The following SETX variants were observed in gnomAD, a reference collection of about 807,000 sequenced individuals.
SETX encodes helicase senataxin.
In SETX, 90 loss-of-function variants were observed where a neutral mutation model predicts 227.2. That is an observed-to-expected ratio of 0.40 (90% CI 0.33 to 0.47). The LOEUF is 0.47. SETX is among the 20% of genes least tolerant of loss of function. The pLI, the probability that SETX is intolerant of heterozygous loss-of-function variation, is 0.91. For synonymous variants in SETX, 1,210 were observed against 1,113.2 expected (o/e 1.09, Z -1.73); for missense variants, 3,052 against 3,181.5 (o/e 0.96, Z 0.98).
In SETX at chr9:132,261,418, G is replaced by A. The variant is rs1157874778; in HGVS notation, c.*2821C>T. 6.6e-6 allele frequency: 1 copy of A among 152,184 alleles called. No individual in the cohort carries two copies. Among genetic ancestry groups the A allele is most frequent in the Non-Finnish European group, 1.5e-5 (1 of 68,028 alleles). The allele number at this position is 152,184 out of a possible 1,614,324, so 9.4% of individuals were successfully genotyped here. On this transcript the variant is annotated 3_prime_UTR_variant, in exon 26 of 26. Transcript: ENST00000224140. The stretch of plus-strand genomic sequence containing the variant: ...CCCCACCAAGTAATTTCAGCATAAA[G>A]CAAACCAAATGGCAGACGAAATGAT...
At chr9:132,282,972 C>T (rs1209517346) in intron 19 of SETX, 2 of 423,294 alleles carry the variant, frequency 4.7e-6, no homozygotes, top group African/African-American at 4.0e-5. Context: ...AAAACTACTT[C>T]AAAAGGTTAC....
intron 23 of SETX, 81 bp downstream of exon 23, chr9:132,275,175 G>C (rs1843094319): frequency 6.8e-7 from 1 of 1,478,330 alleles, no homozygotes; most frequent in South Asian, 1.1e-5. Flanking sequence ...CTCCTTAAGA[G>C]TTTCCCTTTT....
upstream of SETX, among the ~76,000 whole-genome samples, chr9:132,356,390 T>C (rs1166296): frequency 0.8 from 121,685 of 151,854 alleles, 49,265 homozygotes; most frequent in Non-Finnish European, 0.86. Context: ...TTAGTAGAGA[T>C]GGGGTTTCAC....
At chr9:132,270,212 C>G (rs1287388469) in intron 24 of SETX, among the ~76,000 whole-genome samples, 1 of 150,880 alleles carries the variant, frequency 6.6e-6, no homozygotes, top group East Asian at 2.0e-4. Context: ...ATGTGAGACA[C>G]AGGTGGACTC....
upstream of SETX, among the ~76,000 whole-genome samples, chr9:132,355,172 G>A (rs1273915485): frequency 6.6e-6 from 1 of 152,118 alleles, no homozygotes; most frequent in Non-Finnish European, 1.5e-5. Flanking sequence ...GTCACGTCCG[G>A]GCAGCTGGGG....
intron 7 of SETX, among the ~76,000 whole-genome samples, chr9:132,333,804 T>C (rs1193756218): frequency 6.6e-6 from 1 of 152,200 alleles, no homozygotes; most frequent in African/African-American, 2.4e-5. Flanking sequence ...ATCTTCTGTC[T>C]CTGCATTGTT....
At chr9:132,299,323 G>C (rs1844852616) in intron 12 of SETX, among the ~76,000 whole-genome samples, 1 of 152,180 alleles carries the variant, frequency 6.6e-6, no homozygotes, top group Non-Finnish European at 1.5e-5. Flanking sequence ...TTTCCAAATG[G>C]AGGTATCCAA....
intron 11 of SETX, among the ~76,000 whole-genome samples, chr9:132,310,709 T>G (rs1301226526): frequency 2.0e-5 from 3 of 152,202 alleles, no homozygotes; most frequent in Non-Finnish European, 2.9e-5. Flanking sequence ...CAATTGAACA[T>G]GAGTTTGAAG....
At chr9:132,280,592 C>T (rs994632641) in intron 20 of SETX, among the ~76,000 whole-genome samples, 2 of 152,078 alleles carry the variant, frequency 1.3e-5, no homozygotes, top group African/African-American at 2.4e-5. Flanking sequence ...TGAATAATTC[C>T]GAAATCAAAA....
chr9:132,269,353 C>G (rs757804965), intron 25 of SETX: 10 of 1,352,000 alleles, frequency 7.4e-6, no homozygotes, highest in Non-Finnish European at 9.9e-6. Flanking sequence ...TTTAATATAC[C>G]TTCTTAACAA....
chr9:132,336,593 G>T, intron 5 of SETX, 78 bp from the exon 6 acceptor site: 1 of 1,025,408 alleles, frequency 9.8e-7, no homozygotes, highest in Non-Finnish European at 1.5e-6. Flanking sequence ...AAGAAAACAG[G>T]ATTCTCTGCA....
At chr9:132,314,423 C>T (rs1845849161) in intron 10 of SETX, among the ~76,000 whole-genome samples, 2 of 152,098 alleles carry the variant, frequency 1.3e-5, no homozygotes, top group South Asian at 4.2e-4. Context: ...CAGCGTTTCA[C>T]CATGCTGGCC....
rs34769225 is a variant in SETX at position 132,277,156 on chromosome 9, T to TAA, written c.6843-6_6843-5dup. The TAA allele has an allele frequency of 3.4e-3, 4,948 of 1,465,906 alleles. 14 individuals are homozygous for TAA. Among genetic ancestry groups the TAA allele is most frequent in the African/African-American group, 0.02 (1,441 of 70,402 alleles). 90.8% of individuals were successfully genotyped at this position (1,465,906 alleles called of 1,614,324 possible). Reference sequence around the variant, plus strand: ...ACATCGAATGGCTTCTGTCTGTCTGTAAAAAAAAAAAAGCAGTCAACATTC... The same window carrying TAA: ...ACATCGAATGGCTTCTGTCTGTCTGTAAAAAAAAAAAAAAGCAGTCAACATTC... On this transcript the variant is annotated splice_region_variant and splice_polypyrimidine_tract_variant and intron_variant, in intron 21 of 25. Coordinates refer to ENST00000224140, the MANE Select transcript of SETX (RefSeq NM_015046.7).
At chr9:132,322,160 T>C (rs537710816) in intron 10 of SETX, among the ~76,000 whole-genome samples, 9 of 152,332 alleles carry the variant, frequency 5.9e-5, no homozygotes, top group African/African-American at 1.9e-4. Flanking sequence ...TTCCTAGGCA[T>C]CTTTTTTAAC....
chr9:132,295,545 A>G (rs1007173344), intron 15 of SETX, among the ~76,000 whole-genome samples: 2 of 151,954 alleles, frequency 1.3e-5, no homozygotes, highest in African/African-American at 4.8e-5. Flanking sequence ...TCTAACCCTC[A>G]CACAACTGAA....
chr9:132,324,463 C>G (rs1315462102), intron 10 of SETX, among the ~76,000 whole-genome samples: 2 of 152,192 alleles, frequency 1.3e-5, no homozygotes, highest in African/African-American at 4.8e-5. Context: ...CCTTCCCCAA[C>G]ACTCCAATCT....
At chr9:132,308,184 T>G (rs1308065907) in intron 11 of SETX, among the ~76,000 whole-genome samples, 1 of 152,218 alleles carries the variant, frequency 6.6e-6, no homozygotes, top group African/African-American at 2.4e-5. Context: ...CAGCTGTGAT[T>G]ATCAGAAAAA....
chr9:132,342,032 C>T (rs1848006735), intron 5 of SETX, among the ~76,000 whole-genome samples: 1 of 152,044 alleles, frequency 6.6e-6, no homozygotes, highest in Non-Finnish European at 1.5e-5. Flanking sequence ...AATCCCATTA[C>T]CATGCTTTTT....
At chr9:132,314,722 G>A (rs986409076) in intron 10 of SETX, among the ~76,000 whole-genome samples, 2 of 151,930 alleles carry the variant, frequency 1.3e-5, no homozygotes, top group African/African-American at 4.8e-5. Flanking sequence ...CAAAACTGGA[G>A]GTTCCTAATA....
Sources: allele counts gnomAD v4.1 joint callset (sites outside exome capture counted in the v4.1 genomes callset), GRCh38; gene constraint gnomAD v4.1.1; transcripts MANE v1.5; gene names NCBI Gene and HGNC (gene_info 2026-07-23, HGNC 2026-07-21).